TRAK1: variants seen among roughly 807,000 people sequenced by gnomAD.
TRAK1 encodes trafficking kinesin-binding protein 1.
Under a neutral mutation model 92.1 loss-of-function variants are expected in TRAK1, and 33 were observed. That is an observed-to-expected ratio of 0.36 (90% confidence interval 0.27 to 0.48). TRAK1 has a LOEUF of 0.48. Ranked by LOEUF, TRAK1 falls within the 20% of genes least tolerant of loss-of-function variation. The pLI, the probability that TRAK1 is intolerant of heterozygous loss-of-function variation, is 0.99. For missense variants in TRAK1, 1,123 were observed against 1,257.9 expected, an observed-to-expected ratio of 0.89 and a Z score of 1.62; for synonymous variants, 521 against 517.3, an observed-to-expected ratio of 1.01 and a Z score of -0.10.
upstream of TRAK1, chr3:42,091,203 A>G (rs376602272): frequency 2.2e-6 from 1 of 446,750 alleles, no homozygotes; most frequent in Non-Finnish European, 3.9e-6. Context: ...CCTTCCCCCA[A>G]CCTAGAGGTA....
chr3:42,205,513 G>A (rs1176434470), intron 13 of TRAK1, among the ~76,000 whole-genome samples: 1 of 152,202 alleles, frequency 6.6e-6, no homozygotes, highest in East Asian at 1.9e-4. Flanking sequence ...TACCTTACCA[G>A]TTTTAAGCAG....
intron 1 of TRAK1, among the ~76,000 whole-genome samples, chr3:42,101,924 T>C (rs559856929): frequency 2.0e-5 from 3 of 152,246 alleles, no homozygotes; most frequent in Admixed American, 1.3e-4. Context: ...AAACAGTCGT[T>C]TCAGGTCATT....
At chr3:42,123,688 TTTTA>T (rs1484048587) in intron 1 of TRAK1, among the ~76,000 whole-genome samples, 3 of 149,032 alleles carry the variant, frequency 2.0e-5, no homozygotes, top group African/African-American at 4.9e-5. Context: ...TATTGTGTGG[TTTTA>T]TTTGTCACAA....
At chr3:42,064,023 C>T (rs1323482682) in intron 1 of TRAK1, among the ~76,000 whole-genome samples, 4 of 152,156 alleles carry the variant, frequency 2.6e-5, no homozygotes, top group Non-Finnish European at 4.4e-5. Flanking sequence ...ATTATATCCA[C>T]GTGAGAGAGA....
At chr3:42,081,832 A>T (rs559404769) in intron 1 of TRAK1, among the ~76,000 whole-genome samples, 49 of 152,374 alleles carry the variant, frequency 3.2e-4, no homozygotes, top group African/African-American at 1.1e-3. Flanking sequence ...TAAGTGCCTT[A>T]CATTTTACAG....
intron 1 of TRAK1, among the ~76,000 whole-genome samples, chr3:42,042,117 G>A (rs1281142245): frequency 1.3e-5 from 2 of 152,008 alleles, no homozygotes; most frequent in East Asian, 3.9e-4. Flanking sequence ...AGTAGTGACG[G>A]GGTTTCGCCA....
At chr3:42,025,356 A>G (rs1408228124) in intron 1 of TRAK1, among the ~76,000 whole-genome samples, 1 of 152,172 alleles carries the variant, frequency 6.6e-6, no homozygotes, top group Non-Finnish European at 1.5e-5. Context: ...AAATAAGTAT[A>G]GGGTTATTTA....
chr3:42,201,106 T>G, intron 12 of TRAK1, 52 bp downstream of exon 12: 91 of 1,561,992 alleles, frequency 5.8e-5, no homozygotes, highest in Non-Finnish European at 7.3e-5. Flanking sequence ...GGAGTGGTAG[T>G]ATGGATTGTC....
At chr3:42,116,028 A>T (rs1467520231) in intron 1 of TRAK1, among the ~76,000 whole-genome samples, 2 of 152,226 alleles carry the variant, frequency 1.3e-5, no homozygotes, top group African/African-American at 4.8e-5. Context: ...AGTAAATGAA[A>T]GGCAGTAATA....
intron 1 of TRAK1, chr3:42,051,117 C>T (rs773628518): frequency 6.6e-6 from 1 of 152,248 alleles, no homozygotes; most frequent in Admixed American, 6.5e-5. Flanking sequence ...AGTCTACCTG[C>T]CTTGGTCTCC....
intron 1 of TRAK1, among the ~76,000 whole-genome samples, chr3:42,120,438 C>G (rs1192621815): frequency 6.6e-6 from 1 of 151,850 alleles, no homozygotes; most frequent in East Asian, 1.9e-4. Flanking sequence ...CGGCAGTGTC[C>G]ATTCACAGCA....
intron 14 of TRAK1, chr3:42,217,932 A>G: frequency 1.0e-6 from 1 of 985,024 alleles, no homozygotes; most frequent in African/African-American, 1.7e-5. Context: ...AGAAAGATTC[A>G]TAAAGGCTAT....
chr3:42,122,149 C>G (rs1468284987), intron 1 of TRAK1, among the ~76,000 whole-genome samples: 1 of 152,048 alleles, frequency 6.6e-6, no homozygotes, highest in East Asian at 1.9e-4. Context: ...TTTTTCATAG[C>G]CTTACCTTTT....
At chr3:42,188,929 C>A in intron 5 of TRAK1, 87 bp from the exon 6 acceptor site, 1 of 946,768 alleles carries the variant, frequency 1.1e-6, no homozygotes, top group Non-Finnish European at 1.7e-6. Context: ...GTCCTTCCTG[C>A]AAGCCCTTCT....
At chr3:42,164,058 C>T (rs1445938108) in intron 2 of TRAK1, among the ~76,000 whole-genome samples, 1 of 152,184 alleles carries the variant, frequency 6.6e-6, no homozygotes, top group Admixed American at 6.5e-5. Flanking sequence ...GTGTCATGGC[C>T]AGTTTTGCTG....
rs1701905073 is a variant in TRAK1, at chr3:42,166,647, C to A, written c.287-10167C>A. Among the ~76,000 whole-genome samples, 3 of 152,218 alleles carry A rather than the reference C, an allele frequency of 2.0e-5. No homozygotes were observed. The South Asian group carries it at 6.2e-4, about 31-fold the overall frequency. On this transcript the variant is annotated intron_variant, in intron 2 of 15. Coordinates refer to ENST00000327628, the MANE Select transcript of TRAK1 (RefSeq NM_001042646.3). The stretch of plus-strand genomic sequence containing the variant: ...ATTGTAGATACCCAGTAGTAGTATA[C>A]TCATTTCATTTATTCTTCTCTGCTT...
rs200702662 is a variant in TRAK1, at chr3:42,064,954, CAGGCAGGAGAATGGCGGGAGGCTG to C, written c.-518-22135_-518-22112del. Among the ~76,000 whole-genome samples, 1,078 of 152,162 alleles carry C rather than the reference CAGGCAGGAGAATGGCGGGAGGCTG, an allele frequency of 7.1e-3. 48 individuals are homozygous for C. In the East Asian group the frequency reaches 0.12, roughly 18 times the overall value. On this transcript the variant is annotated intron_variant, in intron 1 of 16. Transcript: ENST00000487159. ...TATAGTCCTAGCTACGCAGGAGGTTCAGGCAGGAGAATGGCGGGAGGCTGAGGCAGGAGAATGGTGTGAATCCGG... is the reference window on the plus strand; with the variant it reads ...TATAGTCCTAGCTACGCAGGAGGTTCAGGCAGGAGAATGGTGTGAATCCGG...
rs1417754510 is a variant in TRAK1, at chr3:42,202,648, T to A, written c.1640T>A (p.Leu547Gln). 6.2e-7 allele frequency: 1 copy of A among 1,612,426 alleles called. No individual in the cohort carries two copies. The highest frequency in any genetic ancestry group is 1.1e-5 in the South Asian group (1 of 90,970). ...SLTPTESIMS[L>Q]GTHSRFSEFT... ...ACACCCACTGAGAGCATCATGTCCC[T>A]GGGCACGCACTCCCGCTTCTCCGAG... Residue 547 changes from leucine (L) to glutamine (Q), a missense_variant, in exon 13 of 16, where the codon CTG (leucine) becomes CAG (glutamine). Coordinates refer to ENST00000327628, the MANE Select transcript of TRAK1 (RefSeq NM_001042646.3). This position sits in a 1 kb window ranked among gnomAD's most constrained non-coding sequence, Gnocchi z 6.1.
chr3:42,053,375 TGGG>T (rs760432112), intron 1 of TRAK1, among the ~76,000 whole-genome samples: 7 of 50,622 alleles, frequency 1.4e-4, no homozygotes, highest in African/African-American at 3.7e-4. Context: ...CAGAGTCGGG[TGGG>T]GGGGGGGGGC....
Sources: allele counts gnomAD v4.1 joint callset (sites outside exome capture counted in the v4.1 genomes callset), GRCh38; gene constraint gnomAD v4.1.1; non-coding constraint Gnocchi (gnomAD v3.1); transcripts MANE v1.5; gene names NCBI Gene and HGNC (gene_info 2026-07-23, HGNC 2026-07-21).